TMEM41A: variants seen among roughly 807,000 people sequenced by gnomAD.
The protein encoded by TMEM41A is transmembrane protein 41A.
In TMEM41A, 20 loss-of-function variants were observed where a neutral mutation model predicts 25.7. The observed-to-expected ratio is 0.78, with a 90% CI of 0.55 to 1.13. The LOEUF is 1.13. TMEM41A is among the 50% of genes most tolerant of loss of function. The pLI, the probability that TMEM41A is intolerant of heterozygous loss-of-function variation, is 0.00. For missense variants in TMEM41A, 299 were observed against 314.3 expected (o/e 0.95, Z 0.37); for synonymous variants, 133 against 139.6 (o/e 0.95, Z 0.33).
chr3:185,492,157 CCG>C (rs1718977525), intron 4 of TMEM41A: 2 of 160,888 alleles, frequency 1.2e-5, no homozygotes, highest in Admixed American at 1.2e-4. Flanking sequence ...CAAAAATTAG[CCG>C]GGTGTGGTGG....
rs1362773125 is a variant in TMEM41A at position 185,491,650 on chromosome 3, T to A, written c.682A>T (p.Ile228Phe). ...SWDTVFKLLA[I>F]AMVALIPGTL... ...CCAGGAATTAATGCCACCATGGCAA[T>A]GGCCAACAGCTTAAAGACAGTGTCC... The change falls in exon 5 of 5, where the codon ATT (isoleucine) becomes TTT (phenylalanine). Residue 228 changes from isoleucine (I) to phenylalanine (F), a missense_variant. Coordinates refer to ENST00000421852, the MANE Select transcript of TMEM41A (RefSeq NM_080652.4). 9 of 1,614,102 alleles carry A rather than the reference T, an allele frequency of 5.6e-6. No homozygotes were observed. Among genetic ancestry groups the A allele is most frequent in the Non-Finnish European group, 7.6e-6 (9 of 1,180,048 alleles).
chr3:185,496,500 C>G (rs1020605502), intron 2 of TMEM41A: 23 of 370,030 alleles, frequency 6.2e-5, no homozygotes, highest in Non-Finnish European at 8.9e-5. Context: ...CCCCTGACCC[C>G]GAGCCCCACA....
At chr3:185,495,436 T>C (rs980880654) in intron 2 of TMEM41A, 121 bp from the exon 3 acceptor site, 1 of 876,310 alleles carries the variant, frequency 1.1e-6, no homozygotes, top group Non-Finnish European at 1.7e-6. Flanking sequence ...TAAAACCCAA[T>C]TGCGTTATTT....
At chr3:185,495,779 A>G (rs2148939501) in intron 2 of TMEM41A, 1 of 160,564 alleles carries the variant, frequency 6.2e-6, no homozygotes, top group African/African-American at 2.4e-5. Flanking sequence ...AAAATTATGA[A>G]AAGGCTGGGA....
intron 1 of TMEM41A, among the ~76,000 whole-genome samples, chr3:185,498,089 C>A (rs1370198519): frequency 1.4e-4 from 7 of 51,276 alleles, no homozygotes; most frequent in South Asian, 1.3e-3. Flanking sequence ...AGACCCCCCC[C>A]CCGCGTCCCT....
At chr3:185,494,015 C>T (rs1303509383) in intron 4 of TMEM41A, 2 of 152,220 alleles carry the variant, frequency 1.3e-5, no homozygotes, top group African/African-American at 4.8e-5. Context: ...AATCTAGATT[C>T]TCAACAAGCC....
At chr3:185,493,312 T>C (rs1719010569) in intron 4 of TMEM41A, 1 of 143,290 alleles carries the variant, frequency 7.0e-6, no homozygotes, top group Non-Finnish European at 1.6e-5. Context: ...GGTCATATAA[T>C]TGTCAAAGGC....
chr3:185,497,514 T>C (rs1332965075), intron 1 of TMEM41A, among the ~76,000 whole-genome samples: 3 of 152,236 alleles, frequency 2.0e-5, no homozygotes, highest in Non-Finnish European at 1.5e-5. Flanking sequence ...GGAAAGTATA[T>C]CTATCCCATA....
intron 1 of TMEM41A, chr3:185,498,266 GAA>G (rs1052526961): frequency 8.9e-5 from 8 of 90,346 alleles, no homozygotes; most frequent in Admixed American, 1.2e-4. Context: ...CTCCGTCTCA[GAA>G]AAAAAAAAAA....
intron 1 of TMEM41A, among the ~76,000 whole-genome samples, chr3:185,497,912 C>T (rs895426577): frequency 6.6e-6 from 1 of 152,168 alleles, no homozygotes; most frequent in African/African-American, 2.4e-5. Context: ...TCACAAAAAC[C>T]GGCCAGGTAA....
chr3:185,498,089 C>G (rs1370198519), intron 1 of TMEM41A, among the ~76,000 whole-genome samples: 4 of 51,238 alleles, frequency 7.8e-5, no homozygotes, highest in Non-Finnish European at 1.9e-4. Context: ...AGACCCCCCC[C>G]CCGCGTCCCT....
At chr3:185,494,520 C>T in intron 4 of TMEM41A, 103 bp downstream of exon 4, 1 of 1,287,394 alleles carries the variant, frequency 7.8e-7, no homozygotes, top group South Asian at 2.0e-5. Context: ...CTTTGTGAGC[C>T]TGTGTTCTCA....
At position 185,489,683 on chromosome 3, in the gene TMEM41A, G is replaced by A. The variant is rs952960790; in HGVS notation, c.*1854C>T. On this transcript the variant is annotated 3_prime_UTR_variant, in exon 5 of 5. Transcript: ENST00000421852. ...AGGCACATTATTGCAAAACTGTCGG[G>A]GTGGAGGGAGGGAGGCAACTCTAAG... 2.0e-5 allele frequency: 3 copies of A among 152,060 alleles called. No individual in the cohort carries two copies. The highest frequency in any genetic ancestry group is 4.4e-5 in the Non-Finnish European group (3 of 68,014). The allele number at this position is 152,060 out of a possible 1,614,324, so 9.4% of individuals were successfully genotyped here.
At position 185,499,005 on chromosome 3, in the gene TMEM41A, T is replaced by C. The variant is rs1243408277; in HGVS notation, c.-44A>G. ...CCCGCGGGGCAGCCGAGAAGCTCAC[T>C]TGCACTCCGGGACGCAGCGGCGGGC... On this transcript the variant is annotated 5_prime_UTR_variant, in exon 1 of 5. Coordinates refer to ENST00000421852, the MANE Select transcript of TMEM41A (RefSeq NM_080652.4). 1 of 1,527,668 alleles carries C rather than the reference T, an allele frequency of 6.5e-7. No homozygotes were observed. Among genetic ancestry groups the C allele is most frequent in the South Asian group, 1.2e-5 (1 of 84,864 alleles). The allele number at this position is 1,527,668 out of a possible 1,614,324, so 94.6% of individuals were successfully genotyped here. A position where few individuals can be genotyped will look rare whatever the true frequency, so the allele number is the denominator to read the frequency against.
In TMEM41A at chr3:185,490,781, G is replaced by C. The variant is rs1226030172; in HGVS notation, c.*756C>G. On this transcript the variant is annotated 3_prime_UTR_variant, in exon 5 of 5. Transcript: ENST00000421852. ...ATGAAGAGCGGTGTCAGTGATGTGA[G>C]TTCCCGTGTCATCATTGGTACTAAA... The C allele has an allele frequency of 1.3e-5, 2 of 152,162 alleles. No individual in the cohort carries two copies. The highest frequency in any genetic ancestry group is 4.8e-5 in the African/African-American group (2 of 41,414). 9.4% of individuals were successfully genotyped at this position (152,162 alleles called of 1,614,324 possible).
In TMEM41A at chr3:185,494,773, G is replaced by C; in HGVS notation, c.436-12C>G. ...CTGTTCTCCTCCACCTGTAGCCAAA[G>C]AGAAGAAAGCTGTTAAGAAGCAGAA... On this transcript the variant is annotated splice_polypyrimidine_tract_variant and intron_variant, in intron 3 of 4. Coordinates refer to ENST00000421852, the MANE Select transcript of TMEM41A (RefSeq NM_080652.4). 1 of 1,596,208 alleles carries C rather than the reference G, an allele frequency of 6.3e-7. No individual in the cohort carries two copies. Among genetic ancestry groups the C allele is most frequent in the Middle Eastern group, 1.7e-4 (1 of 5,962 alleles).
intron 1 of TMEM41A, among the ~76,000 whole-genome samples, chr3:185,498,087 C>A (rs1264624005): frequency 9.2e-6 from 1 of 108,704 alleles, no homozygotes; most frequent in Admixed American, 9.1e-5. Flanking sequence ...TGAGACCCCC[C>A]CCCCGCGTCC....
intron 2 of TMEM41A, 175 bp downstream of exon 2, chr3:185,496,653 G>C (rs1290613452): frequency 2.7e-6 from 2 of 747,026 alleles, no homozygotes; most frequent in Admixed American, 2.2e-5. Flanking sequence ...AGCTGTCAGT[G>C]TCTCCCACTT....
At chr3:185,495,392 T>C in intron 2 of TMEM41A, 77 bp from the exon 3 acceptor site, 10 of 1,410,072 alleles carry the variant, frequency 7.1e-6, no homozygotes, top group Non-Finnish European at 8.7e-6. Flanking sequence ...CTGAGAGTCA[T>C]AGGTTCCCTC....
Sources: gnomAD v4.1 joint callset for allele counts (sites outside exome capture counted in the v4.1 genomes callset) on GRCh38, gnomAD v4.1.1 for gene constraint, MANE v1.5 for transcripts, NCBI Gene and HGNC (gene_info 2026-07-23, HGNC 2026-07-21) for gene names.